The following FNIP1 variants were observed in gnomAD, a reference collection of about 807,000 sequenced individuals.
FNIP1 encodes the protein folliculin interacting protein 1, also known as folliculin-interacting protein 1.
Under a neutral mutation model 124.5 loss-of-function variants are expected in FNIP1, and 40 were observed. The ratio of observed to expected loss-of-function variants is 0.32; its 90% CI spans 0.25 to 0.42. FNIP1 has a LOEUF of 0.42. FNIP1 is among the 10% of genes least tolerant of loss of function. The pLI, the probability that FNIP1 is intolerant of heterozygous loss-of-function variation, is 1.00. For synonymous variants in FNIP1, 472 were observed against 470.6 expected, an observed-to-expected ratio of 1.00 and a Z score of -0.04; for missense variants, 1,176 against 1,403.7, an observed-to-expected ratio of 0.84 and a Z score of 2.59.
At chr5:131,723,011 C>A (rs1423917195) in intron 3 of FNIP1, among the ~76,000 whole-genome samples, 2 of 152,050 alleles carry the variant, frequency 1.3e-5, no homozygotes, top group Non-Finnish European at 2.9e-5. Context: ...AGAAAAAAGT[C>A]ATTTCTGTCA....
At chr5:131,657,898 G>C (rs549135300) in intron 15 of FNIP1, among the ~76,000 whole-genome samples, 1 of 151,900 alleles carries the variant, frequency 6.6e-6, no homozygotes, top group African/African-American at 2.4e-5. Flanking sequence ...AAAATTAGCC[G>C]GGTGTGGCAG....
At chr5:131,754,175 T>TC (rs1172811092) in intron 1 of FNIP1, among the ~76,000 whole-genome samples, 5 of 21,690 alleles carry the variant, frequency 2.3e-4, no homozygotes, top group African/African-American at 7.0e-4. Context: ...GGAATATTTC[T>TC]CTGTCACATT....
chr5:131,703,138 C>G (rs1768958244), intron 10 of FNIP1, among the ~76,000 whole-genome samples: 1 of 152,190 alleles, frequency 6.6e-6, no homozygotes, highest in Non-Finnish European at 1.5e-5. Flanking sequence ...ATCCTTTTAA[C>G]TGCTTGGCTA....
rs1770616183 is a variant in FNIP1 at position 131,744,668 on chromosome 5, G to T, written c.115C>A (p.Pro39Thr). 1.2e-6 allele frequency: 2 copies of T among 1,608,466 alleles called. No individual in the cohort carries two copies. Among genetic ancestry groups the T allele is most frequent in the Non-Finnish European group, 1.7e-6 (2 of 1,177,328 alleles). ...GFSWPLPEFD[P>T]SQIRLIVYQD... ...TATACAATCAGTCGAATCTGGCTTG[G>T]ATCAAACTCTGGTAAAGGCCAACTT... Residue 39 changes from proline (P) to threonine (T), a missense_variant, in exon 2 of 18, where the codon CCA becomes ACA. This residue lies in a region of FNIP1 where 1,109 missense variants were observed against 1,288.5 expected (regional missense o/e 0.86). Transcript: ENST00000510461.
chr5:131,693,327 T>TATATAA (rs1768561762), intron 11 of FNIP1, among the ~76,000 whole-genome samples: 1 of 62,482 alleles, frequency 1.6e-5, no homozygotes, highest in Admixed American at 2.1e-4. Flanking sequence ...CACATATATA[T>TATATAA]ATATACATAT....
intron 1 of FNIP1, among the ~76,000 whole-genome samples, chr5:131,763,835 T>C (rs936996217): frequency 2.8e-4 from 42 of 152,324 alleles, no homozygotes; most frequent in African/African-American, 1.0e-3. Context: ...ACTGCGAGCA[T>C]ATGGTCCTGT....
chr5:131,726,887 T>C (rs1021437825), intron 3 of FNIP1, among the ~76,000 whole-genome samples: 3 of 152,048 alleles, frequency 2.0e-5, no homozygotes, highest in African/African-American at 7.2e-5. Context: ...TATTTATTTC[T>C]GCCTTCAGTT....
intron 11 of FNIP1, among the ~76,000 whole-genome samples, chr5:131,693,394 G>A (rs1424735325): frequency 4.2e-5 from 5 of 118,130 alleles, no homozygotes; most frequent in Non-Finnish European, 7.0e-5. Flanking sequence ...GAACAGAATA[G>A]AACAGAACAG....
intron 1 of FNIP1, among the ~76,000 whole-genome samples, chr5:131,762,890 G>C (rs1161942412): frequency 6.6e-6 from 1 of 152,010 alleles, no homozygotes; most frequent in Non-Finnish European, 1.5e-5. Context: ...ACAACATGGA[G>C]GTCATTATGG....
chr5:131,668,366 G>A (rs1167969010), intron 15 of FNIP1, among the ~76,000 whole-genome samples: 1 of 152,170 alleles, frequency 6.6e-6, no homozygotes, highest in Non-Finnish European at 1.5e-5. Flanking sequence ...TGAAATGAAT[G>A]AAACTGAAAA....
At chr5:131,724,622 C>T (rs1051443920) in intron 3 of FNIP1, among the ~76,000 whole-genome samples, 1 of 151,934 alleles carries the variant, frequency 6.6e-6, no homozygotes, top group African/African-American at 2.4e-5. Context: ...GTCAGATGGG[C>T]TAATTGCAAA....
intron 1 of FNIP1, among the ~76,000 whole-genome samples, chr5:131,783,426 A>G (rs550399822): frequency 3.7e-4 from 56 of 152,134 alleles, no homozygotes; most frequent in African/African-American, 1.2e-3. Context: ...TAAGTCAGAA[A>G]TTAGGAGAGG....
At chr5:131,650,785 A>C (rs766846132) in intron 16 of FNIP1, among the ~76,000 whole-genome samples, 6 of 152,230 alleles carry the variant, frequency 3.9e-5, no homozygotes, top group African/African-American at 1.4e-4. Context: ...CTTGAACTAC[A>C]GAGCTTTTTA....
intron 1 of FNIP1, among the ~76,000 whole-genome samples, chr5:131,778,046 T>C (rs1771869115): frequency 7.2e-5 from 11 of 152,202 alleles, no homozygotes; most frequent in Admixed American, 7.2e-4. Flanking sequence ...ACTAGAAATG[T>C]GACAACCTGA....
chr5:131,738,659 C>T (rs1770401335), intron 2 of FNIP1, among the ~76,000 whole-genome samples: 1 of 152,012 alleles, frequency 6.6e-6, no homozygotes. Flanking sequence ...GCCACCACAC[C>T]CGGCTAATTT....
chr5:131,770,881 T>A (rs1432281838), intron 1 of FNIP1, among the ~76,000 whole-genome samples: 1 of 152,194 alleles, frequency 6.6e-6, no homozygotes, highest in Non-Finnish European at 1.5e-5. Context: ...AGTTTGTTTG[T>A]ATGTGCACCA....
At chr5:131,710,391 G>A (rs534192550) in intron 7 of FNIP1, among the ~76,000 whole-genome samples, 187 bp downstream of exon 7, 3 of 152,206 alleles carry the variant, frequency 2.0e-5, no homozygotes, top group South Asian at 2.1e-4. Context: ...CTGATAATCC[G>A]GTGTCTGGAA....
Position 131,664,404 on chromosome 5 carries a change from G to T in FNIP1, c.3108+6059C>A, listed in dbSNP as rs1019355437. 7.2e-5 allele frequency among the ~76,000 whole-genome samples: 11 copies of T among 152,056 alleles called. 1 individual carries two copies. The highest frequency in any genetic ancestry group is 5.9e-4 in the Admixed American group (9 of 15,266). On this transcript the variant is annotated intron_variant, in intron 15 of 17. Coordinates refer to ENST00000510461, the MANE Select transcript of FNIP1 (RefSeq NM_133372.3). ...AGAACAAGATTTTTGGGAGGCCGAGGTGGGAGGATCACTTGAGGCTCCAGA... is the reference window on the plus strand; with the variant it reads ...AGAACAAGATTTTTGGGAGGCCGAGTTGGGAGGATCACTTGAGGCTCCAGA...
intron 15 of FNIP1, among the ~76,000 whole-genome samples, chr5:131,664,200 T>C (rs1478541287): frequency 6.6e-6 from 1 of 152,194 alleles, no homozygotes; most frequent in Non-Finnish European, 1.5e-5. Flanking sequence ...AATAACATGG[T>C]TTTCTTAGTG....
Sources: gnomAD v4.1 joint callset for allele counts (sites outside exome capture counted in the v4.1 genomes callset) on GRCh38, gnomAD v4.1.1 for gene constraint, gnomAD v4.1.1 regional missense constraint, MANE v1.5 for transcripts, NCBI Gene and HGNC (gene_info 2026-07-23, HGNC 2026-07-21) for gene names.